FYB1: variants seen among roughly 807,000 people sequenced by gnomAD.
The protein encoded by FYB1 is FYN binding protein 1.
In FYB1, 41 loss-of-function variants were observed where a neutral mutation model predicts 94.1. The ratio of observed to expected loss-of-function variants is 0.44; its 90% CI spans 0.34 to 0.57. The LOEUF (loss-of-function observed/expected upper bound fraction) is 0.57, where lower values mean the gene tolerates loss of function less well. Among genes scored for constraint, FYB1 ranks in the 20% least tolerant of loss-of-function variants. The pLI is 0.02. For synonymous variants in FYB1, 367 were observed against 353.2 expected (o/e 1.04, Z -0.44); for missense variants, 1,050 against 976.8 (o/e 1.07, Z -1.00).
At chr5:39,248,179 T>C (rs1295306998) in intron 1 of FYB1, among the ~76,000 whole-genome samples, 3 of 152,196 alleles carry the variant, frequency 2.0e-5, no homozygotes, top group African/African-American at 7.2e-5. Context: ...TAACATTAAT[T>C]ACTCTAATTG....
At chr5:39,131,235 G>A (rs893638270) in intron 9 of FYB1, among the ~76,000 whole-genome samples, 2 of 151,922 alleles carry the variant, frequency 1.3e-5, no homozygotes, top group African/African-American at 4.8e-5. Flanking sequence ...CTGTTTTCTT[G>A]CCTATATCTC....
chr5:39,232,009 G>T (rs1288698603), intron 1 of FYB1, among the ~76,000 whole-genome samples: 1 of 152,148 alleles, frequency 6.6e-6, no homozygotes, highest in African/African-American at 2.4e-5. Context: ...CAGGGATACG[G>T]ATGAATTGTA....
intron 1 of FYB1, chr5:39,211,175 T>C (rs942211063): frequency 6.6e-6 from 1 of 152,326 alleles, no homozygotes; most frequent in African/African-American, 2.4e-5. Context: ...AATGTTTTCA[T>C]AGATATCTTA....
Position 39,127,750 on chromosome 5 carries a change from G to C in FYB1, c.1898C>G (p.Ala633Gly). The C allele has an allele frequency of 6.2e-7, 1 of 1,601,660 alleles. No individual in the cohort carries two copies. The highest frequency in any genetic ancestry group is 8.5e-7 in the Non-Finnish European group (1 of 1,174,038). ...DIYDGIEEED[A>G]DDGSTLQVQE... The stretch of plus-strand genomic sequence containing the variant: ...CACTGATTATTCTTACCCATCATCA[G>C]CATCTTCCTCTTCAATCCCATCATA... The change falls in exon 11 of 19, where the codon GCT becomes GGT. Residue 633 changes from alanine (A) to glycine (G), a missense_variant. Physicochemically the swap from Ala to Gly is moderately conservative, Grantham distance 60. Coordinates refer to ENST00000512982, the MANE Select transcript of FYB1 (RefSeq NM_001465.6).
At chr5:39,214,323 C>A (rs1333092890) in intron 1 of FYB1, among the ~76,000 whole-genome samples, 1 of 152,176 alleles carries the variant, frequency 6.6e-6, no homozygotes, top group Non-Finnish European at 1.5e-5. Context: ...CTATAGAAAA[C>A]AGTATGGTGG....
At chr5:39,238,576 G>A (rs1751070257) in intron 1 of FYB1, among the ~76,000 whole-genome samples, 1 of 151,994 alleles carries the variant, frequency 6.6e-6, no homozygotes, top group South Asian at 2.1e-4. Flanking sequence ...AGGACAATGA[G>A]GTCTCTGTAG....
chr5:39,189,670 A>G (rs1400391245), intron 2 of FYB1, among the ~76,000 whole-genome samples: 1 of 152,234 alleles, frequency 6.6e-6, no homozygotes, highest in Non-Finnish European at 1.5e-5. Flanking sequence ...AGGGTGAGCT[A>G]CAGGGAGAAG....
chr5:39,216,777 T>C (rs1749903617), intron 1 of FYB1, among the ~76,000 whole-genome samples: 1 of 152,168 alleles, frequency 6.6e-6, no homozygotes, highest in African/African-American at 2.4e-5. Context: ...AGTTAGGCAT[T>C]GGTCACAGGC....
In FYB1 at chr5:39,125,986, G is replaced by C; in HGVS notation, c.2045+12C>G. The C allele has an allele frequency of 6.2e-7, 1 of 1,612,326 alleles. No individual in the cohort carries two copies. The highest frequency in any genetic ancestry group is 2.2e-5 in the East Asian group (1 of 44,852). On this transcript the variant is annotated intron_variant, in intron 12 of 18. Transcript: ENST00000512982. Reference sequence around the variant, plus strand: ...AGTTATTGTACACTGGATTTGGTTGGTTGACTCTTACGATGAACCTTCATT... The same window carrying C: ...AGTTATTGTACACTGGATTTGGTTGCTTGACTCTTACGATGAACCTTCATT...
intron 2 of FYB1, among the ~76,000 whole-genome samples, chr5:39,171,523 G>A (rs188035648): frequency 2.2e-4 from 34 of 152,214 alleles, no homozygotes; most frequent in African/African-American, 7.7e-4. Context: ...GCACACTGAA[G>A]TTTGAGAATC....
At chr5:39,265,518 A>G (rs1752397571) in intron 1 of FYB1, among the ~76,000 whole-genome samples, 1 of 144,606 alleles carries the variant, frequency 6.9e-6, no homozygotes, top group Non-Finnish European at 1.5e-5. Flanking sequence ...TTAGCTGGGG[A>G]TGGTGGTGGG....
At chr5:39,108,404 T>C (rs1738730742) in intron 17 of FYB1, 142 bp from the exon 18 acceptor site, 2 of 693,552 alleles carry the variant, frequency 2.9e-6, no homozygotes, top group Non-Finnish European at 4.5e-6. Context: ...TAAGTAGAAA[T>C]AAATTTGATA....
At chr5:39,215,483 G>T (rs575188567) in intron 1 of FYB1, among the ~76,000 whole-genome samples, 1 of 152,290 alleles carries the variant, frequency 6.6e-6, no homozygotes, top group Admixed American at 6.5e-5. Flanking sequence ...AGCAGCACTT[G>T]CTGTGTGGTC....
rs117587166 is a variant in FYB1 at position 39,215,966 on chromosome 5, C to T, written c.-28+3477G>A. Among the ~76,000 whole-genome samples, 319 of 152,120 alleles carry T rather than the reference C, an allele frequency of 2.1e-3. 11 individuals carry two copies. In the East Asian group the frequency reaches 0.051, roughly 24 times the overall value. ...TTATAAGATAGAGAAGAAGAGACAG[C>T]AGAAGAGGAGAGGGCCATTTTACAA... On this transcript the variant is annotated intron_variant, in intron 1 of 18. Coordinates refer to ENST00000512982, the MANE Select transcript of FYB1 (RefSeq NM_001465.6).
At chr5:39,245,058 T>A (rs764131478) in intron 1 of FYB1, among the ~76,000 whole-genome samples, 1 of 152,176 alleles carries the variant, frequency 6.6e-6, no homozygotes, top group Non-Finnish European at 1.5e-5. Context: ...TTGCTAGCGG[T>A]CTATCAATTT....
chr5:39,141,354 C>CATCT (rs1742166423), intron 3 of FYB1, among the ~76,000 whole-genome samples: 1 of 152,186 alleles, frequency 6.6e-6, no homozygotes, highest in African/African-American at 2.4e-5. Context: ...AGTATAGCAC[C>CATCT]ATCTATTCAT....
intron 1 of FYB1, among the ~76,000 whole-genome samples, chr5:39,259,819 A>T (rs934140659): frequency 1.3e-5 from 2 of 152,220 alleles, no homozygotes; most frequent in Non-Finnish European, 2.9e-5. Context: ...TACAAACTTT[A>T]TCATTAAAAC....
chr5:39,112,412 A>G (rs564922666), intron 16 of FYB1, among the ~76,000 whole-genome samples: 3 of 152,198 alleles, frequency 2.0e-5, no homozygotes, highest in African/African-American at 7.2e-5. Context: ...AGTCAATCTC[A>G]TATGATTTGG....
intron 1 of FYB1, among the ~76,000 whole-genome samples, chr5:39,232,926 C>T (rs1223573654): frequency 1.3e-5 from 2 of 151,964 alleles, no homozygotes; most frequent in Admixed American, 1.3e-4. Context: ...CATAGTATTC[C>T]AGGGTGTATA....
Sources: gnomAD v4.1 joint callset for allele counts (sites outside exome capture counted in the v4.1 genomes callset) on GRCh38, gnomAD v4.1.1 for gene constraint, MANE v1.5 for transcripts, NCBI Gene and HGNC (gene_info 2026-07-23, HGNC 2026-07-21) for gene names.